Variants in IKBKB-DT observed in about 807,000 individuals in gnomAD.
IKBKB-DT encodes IKBKB divergent transcript, also known as IKBKB antisense RNA.
At chr8:42,242,548 C>T (rs2129907300) in intron 3 of IKBKB-DT, among the ~76,000 whole-genome samples, 1 of 152,280 alleles carries the variant, frequency 6.6e-6, no homozygotes, top group East Asian at 1.9e-4. Context: ...TAGCTGAGTT[C>T]TGTAGAGAGT....
intron 1 of IKBKB-DT, among the ~76,000 whole-genome samples, chr8:42,268,350 T>C (rs537181842): frequency 7.9e-5 from 12 of 151,974 alleles, no homozygotes; most frequent in Admixed American, 3.3e-4. Context: ...TTGGCCAGGA[T>C]GGTCTTGATC....
chr8:42,240,272 G>A (rs1254158923), intron 3 of IKBKB-DT, among the ~76,000 whole-genome samples: 3 of 147,752 alleles, frequency 2.0e-5, no homozygotes, highest in Non-Finnish European at 4.5e-5. Context: ...TCCCCTGTTA[G>A]TTACAACTTT....
At chr8:42,236,348 G>C (rs1806921574) in intron 3 of IKBKB-DT, among the ~76,000 whole-genome samples, 1 of 151,540 alleles carries the variant, frequency 6.6e-6, no homozygotes, top group East Asian at 1.9e-4. Context: ...TATCAAATAA[G>C]CCTAATTAGT....
At chr8:42,239,108 GT>G (rs2129902094) in intron 3 of IKBKB-DT, among the ~76,000 whole-genome samples, 1 of 152,214 alleles carries the variant, frequency 6.6e-6, no homozygotes, top group Non-Finnish European at 1.5e-5. Context: ...TGTCAGAGTG[GT>G]ATCAGAGGAA....
chr8:42,245,060 C>T (rs1807045844), intron 3 of IKBKB-DT, among the ~76,000 whole-genome samples: 1 of 150,494 alleles, frequency 6.6e-6, no homozygotes, highest in Non-Finnish European at 1.5e-5. Context: ...CCATCCTGGT[C>T]AACATGGTGA....
intron 2 of IKBKB-DT, among the ~76,000 whole-genome samples, chr8:42,264,660 G>A (rs1335335402): frequency 6.6e-6 from 1 of 152,124 alleles, no homozygotes; most frequent in Admixed American, 6.6e-5. Flanking sequence ...CCTAGTTCAA[G>A]CAACTCTCCT....
chr8:42,263,085 C>G (rs1035477310), intron 3 of IKBKB-DT, among the ~76,000 whole-genome samples: 1 of 152,026 alleles, frequency 6.6e-6, no homozygotes, highest in African/African-American at 2.4e-5. Flanking sequence ...TCATCTTGCC[C>G]AGGGTGGTCT....
chr8:42,267,356 G>A lies in IKBKB-DT; in HGVS notation n.604-960C>T, dbSNP rs1036165632. ...TGACTCGCCCTGAATTCTTTCTTGCGCGAGATCCAAGAACCCTCTCTTGGG... is the reference window on the plus strand; with the variant it reads ...TGACTCGCCCTGAATTCTTTCTTGCACGAGATCCAAGAACCCTCTCTTGGG... On this transcript the variant is annotated intron_variant and non_coding_transcript_variant, in intron 1 of 3. Transcript: ENST00000518213. 2.6e-5 allele frequency among the ~76,000 whole-genome samples: 4 copies of A among 151,954 alleles called. No homozygotes were observed. In the South Asian group the frequency reaches 6.2e-4, roughly 24 times the overall value.
intron 3 of IKBKB-DT, among the ~76,000 whole-genome samples, chr8:42,247,715 T>C (rs112914510): frequency 6.6e-6 from 1 of 152,152 alleles, no homozygotes; most frequent in African/African-American, 2.4e-5. Context: ...GTTCCCATGA[T>C]AGTGAGGGAG....
At chr8:42,243,993 T>A (rs985983779) in intron 3 of IKBKB-DT, among the ~76,000 whole-genome samples, 3 of 152,224 alleles carry the variant, frequency 2.0e-5, no homozygotes, top group Non-Finnish European at 4.4e-5. Context: ...GGAATTCTAA[T>A]CTAACTCCAA....
chr8:42,238,024 C>CAAAAA lies in IKBKB-DT; in HGVS notation n.1530-4170_1530-4166dup, dbSNP rs35087510. 1.4e-3 allele frequency among the ~76,000 whole-genome samples: 51 copies of CAAAAA among 35,244 alleles called. 6 individuals carry two copies. The highest frequency in any genetic ancestry group is 3.9e-3 in the Admixed American group (8 of 2,038). 23.1% of individuals were successfully genotyped at this position (35,244 alleles called of 152,430 possible). A position where few individuals can be genotyped will look rare whatever the true frequency, so the allele number is the denominator to read the frequency against. ...TGGGCAACAGAGCAAGGCCCTCTCTCAAAAAAAAAAAAAAAAAAAAAAAAA... is the reference window on the plus strand; with the variant it reads ...TGGGCAACAGAGCAAGGCCCTCTCTCAAAAAAAAAAAAAAAAAAAAAAAAAAAAAA... On this transcript the variant is annotated intron_variant and non_coding_transcript_variant, in intron 3 of 3. Coordinates refer to ENST00000518213, the Ensembl canonical transcript of IKBKB-DT.
chr8:42,267,252 C>A lies in IKBKB-DT; in HGVS notation n.604-856G>T, dbSNP rs1807386626. Reference sequence around the variant, plus strand: ...ATCTCCTGACCTCGTGATCCACCTGCCTCCCAAAGTGCTGGGATTACAGGA... The same window carrying A: ...ATCTCCTGACCTCGTGATCCACCTGACTCCCAAAGTGCTGGGATTACAGGA... On this transcript the variant is annotated intron_variant and non_coding_transcript_variant, in intron 1 of 3. Transcript: ENST00000518213. Among the ~76,000 whole-genome samples the A allele has an allele frequency of 2.0e-5, 3 of 152,114 alleles. No homozygotes were observed. In the South Asian group the frequency reaches 6.2e-4, roughly 32 times the overall value.
At chr8:42,236,311 C>A (rs921706935) in intron 3 of IKBKB-DT, among the ~76,000 whole-genome samples, 2 of 152,040 alleles carry the variant, frequency 1.3e-5, no homozygotes, top group Non-Finnish European at 2.9e-5. Flanking sequence ...ACTTCTTTTT[C>A]AGCCATGCTT....
chr8:42,270,201 T>C (rs2129948797), intron 1 of IKBKB-DT, among the ~76,000 whole-genome samples: 1 of 152,224 alleles, frequency 6.6e-6, no homozygotes, highest in East Asian at 1.9e-4. Context: ...TTGGAAATAA[T>C]AATAATGCAG....
At chr8:42,237,022 T>C (rs1262367299) in intron 3 of IKBKB-DT, among the ~76,000 whole-genome samples, 2 of 151,958 alleles carry the variant, frequency 1.3e-5, no homozygotes, top group African/African-American at 4.8e-5. Context: ...ACCCGGCCAA[T>C]GTAGTTGTTT....
intron 3 of IKBKB-DT, among the ~76,000 whole-genome samples, chr8:42,239,225 AG>A (rs1806967075): frequency 6.6e-6 from 1 of 152,074 alleles, no homozygotes. Context: ...CTTTGGCTGG[AG>A]GCTTTATGTC....
At chr8:42,246,618 C>T (rs1368892445) in intron 3 of IKBKB-DT, among the ~76,000 whole-genome samples, 1 of 152,214 alleles carries the variant, frequency 6.6e-6, no homozygotes, top group Non-Finnish European at 1.5e-5. Flanking sequence ...CATCTATGTG[C>T]AATGGATACC....
intron 3 of IKBKB-DT, among the ~76,000 whole-genome samples, chr8:42,243,198 T>A (rs1479340512): frequency 6.6e-6 from 1 of 152,080 alleles, no homozygotes; most frequent in East Asian, 1.9e-4. Flanking sequence ...ACTCTCCAGG[T>A]GGGGAGAGAG....
chr8:42,241,183 G>C (rs1806996534), intron 3 of IKBKB-DT, among the ~76,000 whole-genome samples: 2 of 136,316 alleles, frequency 1.5e-5, no homozygotes, highest in South Asian at 4.7e-4. Context: ...AGAAGCTACT[G>C]GTTTATTCCC....
Sources: allele counts gnomAD v4.1 joint callset (sites outside exome capture counted in the v4.1 genomes callset), GRCh38; gene constraint gnomAD v4.1.1; transcripts MANE v1.5; gene names NCBI Gene and HGNC (gene_info 2026-07-23, HGNC 2026-07-21).